The following GPR158 variants were observed in gnomAD, a reference collection of about 807,000 sequenced individuals.
The protein encoded by GPR158 is G protein-coupled receptor 158, also known as metabotropic glycine receptor.
A neutral mutation model predicts 78.2 loss-of-function variants in GPR158; 30 were observed. That is an observed-to-expected ratio of 0.38 (90% CI 0.29 to 0.52). The LOEUF (loss-of-function observed/expected upper bound fraction) is 0.52. GPR158 is among the 20% of genes least tolerant of loss of function. The pLI is 0.83. For synonymous variants in GPR158, 581 were observed against 591.1 expected, an observed-to-expected ratio of 0.98 and a Z score of 0.25; for missense variants, 1,463 against 1,523.5, an observed-to-expected ratio of 0.96 and a Z score of 0.66.
At position 25,598,729 on chromosome 10, in the gene GPR158, G is replaced by A. The variant is rs139042739; in HGVS notation, c.3103G>A (p.Glu1035Lys). The A allele has an allele frequency of 4.9e-5, 79 of 1,613,910 alleles. No individual in the cohort carries two copies. The African/African-American group carries it at 1.0e-3, about 20-fold the overall frequency. ...AAAGCACGTATCTATTGTGGCTTCTGAAATGGAGAAAAACCCCACTTTTTC... is the reference window on the plus strand; with the variant it reads ...AAAGCACGTATCTATTGTGGCTTCTAAAATGGAGAAAAACCCCACTTTTTC... ...VQKHVSIVAS[E>K]MEKNPTFSLK... Residue 1035 changes from glutamate (E) to lysine (K), a missense_variant, in exon 11 of 11, where the codon GAA (glutamate) becomes AAA (lysine). Coordinates refer to ENST00000376351, the MANE Select transcript of GPR158 (RefSeq NM_020752.3).
At chr10:25,407,961 T>G (rs1251347724) in intron 3 of GPR158, among the ~76,000 whole-genome samples, 2 of 152,038 alleles carry the variant, frequency 1.3e-5, no homozygotes, top group Non-Finnish European at 2.9e-5. Context: ...AGCTTAAATA[T>G]ATGAGCAGTT....
At chr10:25,401,911 T>G (rs528579480) in intron 3 of GPR158, among the ~76,000 whole-genome samples, 1 of 152,274 alleles carries the variant, frequency 6.6e-6, no homozygotes, top group Non-Finnish European at 1.5e-5. Flanking sequence ...AAATATAACA[T>G]TCAGAACATA....
At chr10:25,370,386 T>A (rs1833969668) in intron 2 of GPR158, among the ~76,000 whole-genome samples, 1 of 104,800 alleles carries the variant, frequency 9.5e-6, no homozygotes, top group African/African-American at 3.7e-5. Flanking sequence ...CTCGTTGGTT[T>A]CAAAGAACAT....
chr10:25,368,990 G>A (rs10741078), intron 2 of GPR158, among the ~76,000 whole-genome samples: 116,649 of 146,012 alleles, frequency 0.8, 47,620 homozygotes, highest in Non-Finnish European at 0.85. Flanking sequence ...TTGGTGTATA[G>A]GAATGCTTGT....
At chr10:25,255,275 T>C (rs969783080) in intron 2 of GPR158, among the ~76,000 whole-genome samples, 1 of 152,256 alleles carries the variant, frequency 6.6e-6, no homozygotes, top group Non-Finnish European at 1.5e-5. Context: ...GTCCATCAAA[T>C]CACTAAGTAT....
intron 4 of GPR158, among the ~76,000 whole-genome samples, chr10:25,462,045 T>G (rs191168141): frequency 4.6e-5 from 7 of 152,154 alleles, no homozygotes; most frequent in Non-Finnish European, 7.4e-5. Flanking sequence ...AGGCCAGGAC[T>G]TTCATAGCTA....
At chr10:25,227,502 A>G (rs544530964) in intron 2 of GPR158, among the ~76,000 whole-genome samples, 15 of 152,292 alleles carry the variant, frequency 9.8e-5, no homozygotes, top group African/African-American at 3.4e-4. Flanking sequence ...CTATTCACAT[A>G]TAATTAGGTG....
intron 1 of GPR158, among the ~76,000 whole-genome samples, chr10:25,205,277 T>C (rs992701634): frequency 7.2e-6 from 1 of 139,762 alleles, no homozygotes; most frequent in Admixed American, 6.9e-5. Flanking sequence ...ATCTTCTCTT[T>C]TTTTTTTTTT....
intron 2 of GPR158, among the ~76,000 whole-genome samples, chr10:25,339,395 A>G (rs950072311): frequency 3.3e-5 from 5 of 152,128 alleles, no homozygotes; most frequent in African/African-American, 1.2e-4. Flanking sequence ...TAGTTCTAAT[A>G]GTTTCTTTGT....
intron 2 of GPR158, among the ~76,000 whole-genome samples, chr10:25,305,434 A>G (rs1854659484): frequency 6.6e-6 from 1 of 152,204 alleles, no homozygotes; most frequent in Non-Finnish European, 1.5e-5. Flanking sequence ...GGGACCATAC[A>G]TAGGCCAACA....
chr10:25,598,989 C>T lies in GPR158; in HGVS notation c.3363C>T (p.Pro1121=), dbSNP rs1301596782. The T allele has an allele frequency of 1.9e-6, 3 of 1,614,088 alleles. No homozygotes were observed. The highest frequency in any genetic ancestry group is 3.3e-5 in the Admixed American group (2 of 60,014). ...NVCAGQSEEL[P]PKAVASKTEN... ...GTGCTGGGCAGAGCGAAGAACTGCC[C>T]CCCAAAGCTGTAGCATCAAAAACAG... The change falls in exon 11 of 11, where the codon CCC becomes CCT. Residue 1121 remains proline (P), a synonymous_variant. Transcript: ENST00000376351.
chr10:25,597,758 T>A lies in GPR158; in HGVS notation c.2146-14T>A. The stretch of plus-strand genomic sequence containing the variant: ...AAATTCTACACTTCTTTGAATTTGC[T>A]TTTGTTCTGGCAGGACGAGCTGAAA... On this transcript the variant is annotated splice_polypyrimidine_tract_variant and intron_variant, in intron 10 of 10. Coordinates refer to ENST00000376351, the MANE Select transcript of GPR158 (RefSeq NM_020752.3). The A allele has an allele frequency of 6.7e-7, 1 of 1,493,338 alleles. No individual in the cohort carries two copies. The highest frequency in any genetic ancestry group is 8.9e-7 in the Non-Finnish European group (1 of 1,121,888). The allele number at this position is 1,493,338 out of a possible 1,614,324, so 92.5% of individuals were successfully genotyped here.
chr10:25,575,216 TTAA>T (rs1255578566), intron 7 of GPR158, among the ~76,000 whole-genome samples: 1 of 152,226 alleles, frequency 6.6e-6, no homozygotes, highest in East Asian at 1.9e-4. Context: ...AAGTATACTG[TTAA>T]TAATACTGTA....
chr10:25,336,841 A>G (rs1015084199), intron 2 of GPR158, among the ~76,000 whole-genome samples: 11 of 152,092 alleles, frequency 7.2e-5, no homozygotes, highest in South Asian at 6.2e-4. Context: ...CAACCTTGGA[A>G]CTGTCAACCT....
intron 5 of GPR158, among the ~76,000 whole-genome samples, chr10:25,520,967 G>A (rs571719735): frequency 8.5e-5 from 13 of 152,294 alleles, no homozygotes; most frequent in South Asian, 4.1e-4. Flanking sequence ...CCCCAGCCTC[G>A]CTGGCGCCTT....
Position 25,186,917 on chromosome 10 carries a change from C to CA in GPR158, c.902+10603dup, listed in dbSNP as rs930306632. ...ATACCAAAGCCTGGCAGAGACACAACAAAAAAAAGAGAATTTTAGAAAGAG... is the reference window on the plus strand; with the variant it reads ...ATACCAAAGCCTGGCAGAGACACAACAAAAAAAAAGAGAATTTTAGAAAGAG... On this transcript the variant is annotated intron_variant, in intron 1 of 10. Coordinates refer to ENST00000376351, the MANE Select transcript of GPR158 (RefSeq NM_020752.3). 5.4e-4 allele frequency among the ~76,000 whole-genome samples: 73 copies of CA among 134,092 alleles called. 1 individual carries two copies. In the South Asian group the frequency reaches 0.012, roughly 21 times the overall value. The allele number at this position is 134,092 out of a possible 152,430, so 88.0% of individuals were successfully genotyped here.
At chr10:25,417,816 G>A (rs1261310221) in intron 4 of GPR158, among the ~76,000 whole-genome samples, 1 of 152,086 alleles carries the variant, frequency 6.6e-6, no homozygotes, top group Non-Finnish European at 1.5e-5. Context: ...GGTTAGGGAT[G>A]GCACCTAAGC....
intron 2 of GPR158, among the ~76,000 whole-genome samples, chr10:25,387,504 C>A (rs1465717613): frequency 7.3e-6 from 1 of 137,654 alleles, no homozygotes; most frequent in Non-Finnish European, 1.5e-5. Flanking sequence ...GGGAATGTTC[C>A]TTTCTCTTCA....
intron 6 of GPR158, among the ~76,000 whole-genome samples, chr10:25,563,107 C>CATAAAATATCATTTGCTGCCTT (rs1554814049): frequency 6.6e-6 from 1 of 151,880 alleles, no homozygotes; most frequent in East Asian, 1.9e-4. Flanking sequence ...TTATTATTTA[C>CATAAAATATCATTTGCTGCCTT]GTAAAATATC....
Sources: gnomAD v4.1 joint callset for allele counts (sites outside exome capture counted in the v4.1 genomes callset) on GRCh38, gnomAD v4.1.1 for gene constraint, MANE v1.5 for transcripts, NCBI Gene and HGNC (gene_info 2026-07-23, HGNC 2026-07-21) for gene names.